AGBL4: variants seen among roughly 807,000 people sequenced by gnomAD.
AGBL4 encodes the protein cytosolic carboxypeptidase 6.
In AGBL4, 58 loss-of-function variants were observed where a neutral mutation model predicts 66.4. The observed-to-expected ratio is 0.87, with a 90% CI of 0.71 to 1.09. The LOEUF (loss-of-function observed/expected upper bound fraction) is 1.09. Ranked by LOEUF, AGBL4 falls within the 50% of genes least tolerant of loss-of-function variation. AGBL4 has a pLI of 0.00. For synonymous variants in AGBL4, 234 were observed against 222.9 expected (o/e 1.05, Z -0.44); for missense variants, 579 against 631.0 (o/e 0.92, Z 0.88).
intron 3 of AGBL4, among the ~76,000 whole-genome samples, chr1:49,289,266 T>C (rs958395382): frequency 2.0e-5 from 3 of 152,158 alleles, no homozygotes; most frequent in African/African-American, 7.2e-5. Context: ...TATTAGATCC[T>C]GAAGAAGAAA....
chr1:49,445,463 C>T (rs998627806), intron 3 of AGBL4, among the ~76,000 whole-genome samples: 2 of 152,144 alleles, frequency 1.3e-5, no homozygotes, highest in Non-Finnish European at 2.9e-5. Flanking sequence ...TCTTTTCCCT[C>T]AAGGATGCCA....
chr1:49,535,118 T>C lies in AGBL4; in HGVS notation c.282+162195A>G, dbSNP rs1164929973. Among the ~76,000 whole-genome samples, 4 of 152,030 alleles carry C rather than the reference T, an allele frequency of 2.6e-5. No homozygotes were observed. The East Asian group carries it at 5.8e-4, about 22-fold the overall frequency. ...AGTATGTACATGAAACAGTATATTA[T>C]ATGCATCAAACAGTTCAGTGAAACA... On this transcript the variant is annotated intron_variant, in intron 3 of 13. Transcript: ENST00000371839.
intron 4 of AGBL4, among the ~76,000 whole-genome samples, chr1:49,237,415 C>T (rs4027811): frequency 0.92 from 139,534 of 151,176 alleles, 64,534 homozygotes; most frequent in South Asian, 0.96. Context: ...TGTAAGTCCA[C>T]TAAACCTCTT....
At chr1:48,789,644 C>G (rs1645498192) in intron 6 of AGBL4, among the ~76,000 whole-genome samples, 1 of 152,024 alleles carries the variant, frequency 6.6e-6, no homozygotes, top group African/African-American at 2.4e-5. Flanking sequence ...AATGGAAAAT[C>G]CAAATCATGT....
chr1:49,969,748 T>C (rs1016203872), intron 1 of AGBL4, among the ~76,000 whole-genome samples: 4 of 152,230 alleles, frequency 2.6e-5, no homozygotes, highest in African/African-American at 9.6e-5. Context: ...ATTTTCTTTA[T>C]CTATTCATCC....
rs1354393909 is a variant in AGBL4 at position 49,498,183 on chromosome 1, A to G, written c.282+199130T>C. Reference sequence around the variant, plus strand: ...TTATTTTTTGGATAGTTCATTAGTAAGTGTGTAGAAACTACTGATAATTGC... The same window carrying G: ...TTATTTTTTGGATAGTTCATTAGTAGGTGTGTAGAAACTACTGATAATTGC... On this transcript the variant is annotated intron_variant, in intron 3 of 13. Transcript: ENST00000371839. Among the ~76,000 whole-genome samples the G allele has an allele frequency of 1.3e-4, 20 of 150,808 alleles. No individual in the cohort carries two copies. The Admixed American group carries it at 1.3e-3, about 10-fold the overall frequency.
chr1:49,769,913 C>A (rs1253436189), intron 2 of AGBL4, among the ~76,000 whole-genome samples: 2 of 152,178 alleles, frequency 1.3e-5, no homozygotes, highest in East Asian at 3.8e-4. Flanking sequence ...GCAAAGAATT[C>A]ATGACTAATT....
chr1:49,830,250 C>T (rs1341687082), intron 2 of AGBL4, among the ~76,000 whole-genome samples: 2 of 152,160 alleles, frequency 1.3e-5, no homozygotes. Context: ...AAAAGTGTTC[C>T]TATTTCTCCG....
At chr1:49,147,121 G>C (rs183860678) in intron 4 of AGBL4, among the ~76,000 whole-genome samples, 7 of 152,270 alleles carry the variant, frequency 4.6e-5, no homozygotes, top group Middle Eastern at 3.4e-3. Flanking sequence ...GTGGTGGGGT[G>C]GGGGAGGAGA....
intron 2 of AGBL4, among the ~76,000 whole-genome samples, chr1:49,783,844 T>C (rs1247310110): frequency 1.3e-5 from 2 of 152,168 alleles, no homozygotes; most frequent in Non-Finnish European, 2.9e-5. Context: ...ATTTATTGTA[T>C]TTCTATACAC....
chr1:49,411,129 G>T (rs186288733), intron 3 of AGBL4, among the ~76,000 whole-genome samples: 1 of 152,218 alleles, frequency 6.6e-6, no homozygotes, highest in Non-Finnish European at 1.5e-5. Flanking sequence ...AAGTAGGGAA[G>T]TCAACAGTGC....
At chr1:49,439,802 G>C (rs1645984196) in intron 3 of AGBL4, among the ~76,000 whole-genome samples, 1 of 152,160 alleles carries the variant, frequency 6.6e-6, no homozygotes, top group East Asian at 1.9e-4. Flanking sequence ...CTTCAGTTCT[G>C]AGACTTCGAC....
chr1:48,664,963 C>A (rs925005143), intron 6 of AGBL4, among the ~76,000 whole-genome samples: 4 of 152,222 alleles, frequency 2.6e-5, no homozygotes, highest in African/African-American at 7.2e-5. Context: ...AATAGGATTT[C>A]TCCTTCTGAA....
chr1:49,812,751 C>T (rs562574327), intron 2 of AGBL4, among the ~76,000 whole-genome samples: 1 of 152,140 alleles, frequency 6.6e-6, no homozygotes, highest in Non-Finnish European at 1.5e-5. Flanking sequence ...TTGGTCTCAT[C>T]AATTTTCTAG....
intron 4 of AGBL4, among the ~76,000 whole-genome samples, chr1:49,047,919 T>C (rs902947768): frequency 8.6e-5 from 13 of 151,948 alleles, no homozygotes; most frequent in Non-Finnish European, 2.9e-5. Context: ...AGAGTCAAGA[T>C]TAGAGAAAGA....
intron 3 of AGBL4, among the ~76,000 whole-genome samples, chr1:49,388,615 T>G (rs1644785288): frequency 6.6e-6 from 1 of 152,182 alleles, no homozygotes; most frequent in African/African-American, 2.4e-5. Context: ...TTAAATATGC[T>G]ACAACATCAC....
rs143236153 is a variant in AGBL4 at position 49,207,620 on chromosome 1, G to T, written c.377+38150C>A. On this transcript the variant is annotated intron_variant, in intron 4 of 13. Transcript: ENST00000371839. Reference sequence around the variant, plus strand: ...TTTCTTTCTTCTTTTTATTTTCAAGGTCTCATTCTGTTGCACAGGCTGGAG... The same window carrying T: ...TTTCTTTCTTCTTTTTATTTTCAAGTTCTCATTCTGTTGCACAGGCTGGAG... Among the ~76,000 whole-genome samples the T allele has an allele frequency of 2.4e-3, 116 of 48,716 alleles. 3 individuals are homozygous for T. In the South Asian group the frequency reaches 0.046, roughly 20 times the overall value. The allele number at this position is 48,716 out of a possible 152,430, so 32.0% of individuals were successfully genotyped here.
Position 49,458,019 on chromosome 1 carries a change from C to T in AGBL4, c.283-212155G>A, listed in dbSNP as rs189558257. On this transcript the variant is annotated intron_variant, in intron 3 of 13. Transcript: ENST00000371839. ...GATGCCTCCAGATTTGTTCTTTTTG[C>T]TTAGTCTTGTTTTTGGCTCGTTTTT... Among the ~76,000 whole-genome samples, 550 of 151,558 alleles carry T rather than the reference C, an allele frequency of 3.6e-3. 4 individuals carry two copies. The highest frequency in any genetic ancestry group is 0.012 in the African/African-American group (498 of 41,396).
At chr1:49,275,756 A>AT (rs1280100628) in intron 3 of AGBL4, among the ~76,000 whole-genome samples, 1 of 152,024 alleles carries the variant, frequency 6.6e-6, no homozygotes, top group Non-Finnish European at 1.5e-5. Context: ...TCTCCAAACA[A>AT]TTTTTTTCAA....
Sources: allele counts gnomAD v4.1 joint callset (sites outside exome capture counted in the v4.1 genomes callset), GRCh38; gene constraint gnomAD v4.1.1; transcripts MANE v1.5; gene names NCBI Gene and HGNC (gene_info 2026-07-23, HGNC 2026-07-21).